The following ST8SIA6 variants were observed in gnomAD, a reference collection of about 807,000 sequenced individuals.
ST8SIA6 encodes the protein ST8 alpha-N-acetyl-neuraminide alpha-2,8-sialyltransferase 6.
A neutral mutation model predicts 33.6 loss-of-function variants in ST8SIA6; 39 were observed. That is an observed-to-expected ratio of 1.16 (90% confidence interval 0.90 to 1.52). The LOEUF (loss-of-function observed/expected upper bound fraction) is 1.52. ST8SIA6 is among the 40% of genes most tolerant of loss of function. The probability of loss-of-function intolerance (pLI) is 0.00; values close to 1 mark genes in which losing one functional copy is unlikely to be tolerated. For missense variants in ST8SIA6, 441 were observed against 443.8 expected (o/e 0.99, Z 0.06); for synonymous variants, 172 against 167.2 (o/e 1.03, Z -0.22).
chr10:17,419,135 G>A (rs921772266), intron 2 of ST8SIA6, among the ~76,000 whole-genome samples: 1 of 151,104 alleles, frequency 6.6e-6, no homozygotes, highest in Non-Finnish European at 1.5e-5. Context: ...ACTTCTCTGT[G>A]ATTCATTAAT....
rs545341737 is a variant in ST8SIA6, at chr10:17,316,556, T to C, written c.*4322A>G. Among the ~76,000 whole-genome samples the C allele has an allele frequency of 6.6e-6, 1 of 152,246 alleles. No homozygotes were observed. Among genetic ancestry groups the C allele is most frequent in the African/African-American group, 2.4e-5 (1 of 41,584 alleles). On this transcript the variant is annotated 3_prime_UTR_variant, in exon 8 of 8. Transcript: ENST00000377602. The stretch of plus-strand genomic sequence containing the variant: ...CAATTACTGGACTATAGGACAGACA[T>C]ATGATGAATTTTACTAACTCAGTAC...
At chr10:17,439,322 C>G (rs1305640055) in intron 2 of ST8SIA6, among the ~76,000 whole-genome samples, 1 of 149,182 alleles carries the variant, frequency 6.7e-6, no homozygotes, top group African/African-American at 2.5e-5. Flanking sequence ...CTCTGTCACC[C>G]AGACTGGAGT....
intron 4 of ST8SIA6, among the ~76,000 whole-genome samples, chr10:17,345,823 A>G (rs1307626677): frequency 6.6e-6 from 1 of 152,200 alleles, no homozygotes; most frequent in Non-Finnish European, 1.5e-5. Flanking sequence ...GTCTGCAGAA[A>G]GATCCCACTA....
At position 17,390,810 on chromosome 10, in the gene ST8SIA6, C is replaced by A. The variant is rs201912956; in HGVS notation, c.201-190G>T. Among the ~76,000 whole-genome samples the A allele has an allele frequency of 0.026, 2,453 of 95,454 alleles. 77 individuals are homozygous for A. The highest frequency in any genetic ancestry group is 0.11 in the African/African-American group (2,266 of 21,238). 62.6% of individuals were successfully genotyped at this position (95,454 alleles called of 152,430 possible). A position where few individuals can be genotyped will look rare whatever the true frequency, so the allele number is the denominator to read the frequency against. ...TGATGGGTCTAAATGAAAAAAAAAA[C>A]AAAAAACTTACGCTGTAAAGTCAAA... On this transcript the variant is annotated intron_variant, in intron 2 of 7. Transcript: ENST00000377602.
intron 5 of ST8SIA6, among the ~76,000 whole-genome samples, chr10:17,330,553 A>T (rs1050762805): frequency 6.6e-6 from 1 of 152,214 alleles, no homozygotes; most frequent in Non-Finnish European, 1.5e-5. Context: ...ATATAAAAAA[A>T]ATTGGAACAA....
chr10:17,383,431 T>C (rs1850228189), intron 3 of ST8SIA6, among the ~76,000 whole-genome samples: 1 of 152,234 alleles, frequency 6.6e-6, no homozygotes, highest in Admixed American at 6.5e-5. Context: ...TTGATATGTG[T>C]TCCAAAATTA....
At chr10:17,447,723 T>C (rs1852771040) in intron 2 of ST8SIA6, among the ~76,000 whole-genome samples, 1 of 152,186 alleles carries the variant, frequency 6.6e-6, no homozygotes. Context: ...GGAAAAAGTG[T>C]ATAATAAAAT....
chr10:17,451,942 A>G (rs1852926554), intron 2 of ST8SIA6, among the ~76,000 whole-genome samples: 1 of 152,246 alleles, frequency 6.6e-6, no homozygotes, highest in African/African-American at 2.4e-5. Flanking sequence ...TATGCCAAGT[A>G]GAAAAGAAGT....
At position 17,397,146 on chromosome 10, in the gene ST8SIA6, CTG is replaced by C. The variant is rs535320845; in HGVS notation, c.201-6528_201-6527del. Reference sequence around the variant, plus strand: ...TCTCATGTCTTAGCCTGCTGGCTTCCTGTAAACATCTCTGCCAACCTTTTTCT... The same window carrying C: ...TCTCATGTCTTAGCCTGCTGGCTTCCTAAACATCTCTGCCAACCTTTTTCT... On this transcript the variant is annotated intron_variant, in intron 2 of 7. Coordinates refer to ENST00000377602, the MANE Select transcript of ST8SIA6 (RefSeq NM_001004470.3). Among the ~76,000 whole-genome samples, 54 of 152,066 alleles carry C rather than the reference CTG, an allele frequency of 3.6e-4. No homozygotes were observed. In the East Asian group the frequency reaches 8.7e-3, roughly 25 times the overall value.
At chr10:17,443,491 C>T (rs997072870) in intron 2 of ST8SIA6, among the ~76,000 whole-genome samples, 6 of 152,056 alleles carry the variant, frequency 3.9e-5, no homozygotes, top group African/African-American at 1.4e-4. Context: ...ACAATAACAA[C>T]AATAACTAGC....
intron 3 of ST8SIA6, among the ~76,000 whole-genome samples, chr10:17,380,585 G>A (rs1850096826): frequency 6.6e-6 from 1 of 152,162 alleles, no homozygotes; most frequent in African/African-American, 2.4e-5. Flanking sequence ...CCACCTTTTT[G>A]CCAGCCAGAC....
At chr10:17,434,485 A>T (rs1263617678) in intron 2 of ST8SIA6, among the ~76,000 whole-genome samples, 1 of 152,230 alleles carries the variant, frequency 6.6e-6, no homozygotes, top group Non-Finnish European at 1.5e-5. Context: ...ACTGTGTGCT[A>T]AGAGTCAGTA....
chr10:17,415,803 C>CTTT (rs968920842), intron 2 of ST8SIA6, among the ~76,000 whole-genome samples: 1,269 of 92,206 alleles, frequency 0.014, 88 homozygotes, highest in African/African-American at 0.056. Context: ...CCTCACTTGT[C>CTTT]TTTTTTTTTT....
At position 17,318,770 on chromosome 10, in the gene ST8SIA6, A is replaced by T; in HGVS notation, c.*2108T>A. 2.1e-6 allele frequency: 1 copy of T among 467,398 alleles called. No homozygotes were observed. 29.0% of individuals were successfully genotyped at this position (467,398 alleles called of 1,614,324 possible). A position where few individuals can be genotyped will look rare whatever the true frequency, so the allele number is the denominator to read the frequency against. ...ATTTGCAATGATTCACCAATACAGA[A>T]CAAAAAGAACTGTGACTTACGTTTT... On this transcript the variant is annotated 3_prime_UTR_variant, in exon 8 of 8. Transcript: ENST00000377602.
intron 3 of ST8SIA6, among the ~76,000 whole-genome samples, chr10:17,377,527 A>C (rs1191004858): frequency 6.6e-6 from 1 of 152,256 alleles, no homozygotes; most frequent in African/African-American, 2.4e-5. Context: ...GGGGATAGGC[A>C]TGTGAACAAG....
At chr10:17,427,144 G>A (rs915787871) in intron 2 of ST8SIA6, among the ~76,000 whole-genome samples, 22 of 152,040 alleles carry the variant, frequency 1.4e-4, no homozygotes, top group African/African-American at 4.6e-4. Flanking sequence ...GGGGGAAAGG[G>A]GGATAAAGAA....
intron 2 of ST8SIA6, among the ~76,000 whole-genome samples, chr10:17,448,574 T>C (rs17141142): frequency 0.11 from 17,307 of 151,796 alleles, 2,443 homozygotes; most frequent in African/African-American, 0.34. Flanking sequence ...TACTCACTTA[T>C]GGCATTATGG....
intron 2 of ST8SIA6, among the ~76,000 whole-genome samples, chr10:17,396,490 C>G (rs1282406056): frequency 6.6e-6 from 1 of 152,178 alleles, no homozygotes; most frequent in African/African-American, 2.4e-5. Context: ...TAACTGTGCT[C>G]CTTTTTCAGA....
At chr10:17,374,341 G>A (rs7087667) in intron 3 of ST8SIA6, among the ~76,000 whole-genome samples, 28,866 of 152,024 alleles carry the variant, frequency 0.19, 3,126 homozygotes, top group East Asian at 0.5. Context: ...CAGAATGATT[G>A]TTAAACCACC....
Sources: gnomAD v4.1 joint callset for allele counts (sites outside exome capture counted in the v4.1 genomes callset) on GRCh38, gnomAD v4.1.1 for gene constraint, MANE v1.5 for transcripts, NCBI Gene and HGNC (gene_info 2026-07-23, HGNC 2026-07-21) for gene names.